SPTAN1: variants seen among roughly 807,000 people sequenced by gnomAD.
The protein encoded by SPTAN1 is spectrin alpha, non-erythrocytic 1, also known as spectrin alpha chain, non-erythrocytic 1.
SPTAN1 carries 61 observed loss-of-function variants against 331.3 expected under a neutral mutation model. The observed-to-expected ratio is 0.18, with a 90% confidence interval of 0.15 to 0.23. The LOEUF (loss-of-function observed/expected upper bound fraction) is 0.23, where lower values mean the gene tolerates loss of function less well. SPTAN1 is among the 10% of genes least tolerant of loss of function. SPTAN1 has a pLI of 1.00. For missense variants in SPTAN1, 2,043 were observed against 3,147.9 expected (o/e 0.65, Z 8.40); for synonymous variants, 1,153 against 1,173.9 (o/e 0.98, Z 0.36).
At chr9:128,589,701 G>A (rs1381945401) in intron 21 of SPTAN1, among the ~76,000 whole-genome samples, 1 of 150,384 alleles carries the variant, frequency 6.6e-6, no homozygotes. Flanking sequence ...TCAGCCTCCC[G>A]AGCAGCTGGG....
At chr9:128,622,737 G>GTTTATTTA (rs111521146) in intron 45 of SPTAN1, among the ~76,000 whole-genome samples, 3,369 of 151,390 alleles carry the variant, frequency 0.022, 136 homozygotes, top group African/African-American at 0.077. Context: ...TTGTAGTATG[G>GTTTATTTA]TTTATTTATT....
At chr9:128,594,039 G>C (rs1589254317) in intron 23 of SPTAN1, 136 bp from the exon 24 acceptor site, 2 of 812,596 alleles carry the variant, frequency 2.5e-6, no homozygotes, top group South Asian at 1.4e-5. Flanking sequence ...TGATAACTCT[G>C]TTACTAGGGC....
intron 25 of SPTAN1, 45 bp from the exon 26 acceptor site, chr9:128,598,918 T>C (rs1564260109): frequency 6.4e-7 from 1 of 1,563,970 alleles, no homozygotes; most frequent in East Asian, 2.2e-5. Flanking sequence ...TTGAGAGATG[T>C]GTATTTCTTC....
At chr9:128,574,639 T>C (rs201763197) in intron 3 of SPTAN1, 36 bp from the exon 4 acceptor site, 3 of 1,613,870 alleles carry the variant, frequency 1.9e-6, no homozygotes, top group Non-Finnish European at 2.5e-6. Context: ...CAGAGCCAGT[T>C]GTGATCTGAT....
In SPTAN1 at chr9:128,605,184, A is replaced by G. The variant is rs1357525578; in HGVS notation, c.3864+6A>G. 1.2e-6 allele frequency: 2 copies of G among 1,613,892 alleles called. No homozygotes were observed. Among genetic ancestry groups the G allele is most frequent in the Admixed American group, 3.3e-5 (2 of 59,966 alleles). On this transcript the variant is annotated splice_donor_region_variant and intron_variant, in intron 30 of 56. Coordinates refer to ENST00000372739, the MANE Select transcript of SPTAN1 (RefSeq NM_001130438.3). Reference sequence around the variant, plus strand: ...TTGCGGCTCTCGGTGACAAGGTGAGAGGACCCAAAGTCATCTTCTGTCTGG... The same window carrying G: ...TTGCGGCTCTCGGTGACAAGGTGAGGGGACCCAAAGTCATCTTCTGTCTGG...
chr9:128,586,042 T>C (rs774683959), intron 19 of SPTAN1, 77 bp downstream of exon 19: 57 of 1,288,988 alleles, frequency 4.4e-5, no homozygotes, highest in Non-Finnish European at 5.5e-5. Context: ...TTAGGAGAAG[T>C]AGTGATGCGC....
chr9:128,628,786 G>A, intron 51 of SPTAN1: 1 of 228,444 alleles, frequency 4.4e-6, no homozygotes, highest in Non-Finnish European at 8.5e-6. Flanking sequence ...GAGCAGCTGG[G>A]GACGTAGGGA....
chr9:128,610,665 T>G (rs1482645505), intron 37 of SPTAN1, among the ~76,000 whole-genome samples: 7 of 152,172 alleles, frequency 4.6e-5, no homozygotes, highest in Non-Finnish European at 7.4e-5. Flanking sequence ...CTTGCAATTG[T>G]CTCTTGTAGC....
chr9:128,555,372 G>T, intron 1 of SPTAN1: 1 of 1,289,420 alleles, frequency 7.8e-7, no homozygotes, highest in South Asian at 1.2e-5. Context: ...CCATCATGTT[G>T]TCATCGTTTC....
At chr9:128,607,267 G>A (rs990945644) in intron 31 of SPTAN1, among the ~76,000 whole-genome samples, 4 of 151,866 alleles carry the variant, frequency 2.6e-5, no homozygotes, top group African/African-American at 9.7e-5. Flanking sequence ...GCCTCCCAAA[G>A]TGCTGGGATT....
chr9:128,583,173 G>A lies in SPTAN1; in HGVS notation c.1903G>A (p.Gly635Ser). The A allele has an allele frequency of 1.2e-6, 2 of 1,614,092 alleles. No homozygotes were observed. Among genetic ancestry groups the A allele is most frequent in the Non-Finnish European group, 8.5e-7 (1 of 1,180,040 alleles). Residue 635 changes from glycine to serine, a missense_variant, in exon 15 of 57, where the codon GGC becomes AGC. Around this residue, in one of 12 missense-constraint regions of SPTAN1, gnomAD observed 1,038 missense variants for 1,531.5 expected, o/e 0.68. Coordinates refer to ENST00000372739, the MANE Select transcript of SPTAN1 (RefSeq NM_001130438.3). ...QSRIDALEKA[G>S]QKLIDVNHYA... ...CCGAATTGATGCCTTGGAGAAAGCT[G>A]GCCAAAAGCTGATTGATGTCAACCA...
At chr9:128,565,942 A>T (rs1036594498) in intron 1 of SPTAN1, among the ~76,000 whole-genome samples, 5 of 152,196 alleles carry the variant, frequency 3.3e-5, no homozygotes, top group African/African-American at 1.2e-4. Flanking sequence ...AAATTGAGGC[A>T]TGGAGAGGGA....
chr9:128,566,525 C>T (rs1429109128), intron 1 of SPTAN1, among the ~76,000 whole-genome samples: 1 of 152,090 alleles, frequency 6.6e-6, no homozygotes, highest in Non-Finnish European at 1.5e-5. Context: ...CTTCTGAGGG[C>T]CCTATGTAGG....
intron 3 of SPTAN1, among the ~76,000 whole-genome samples, chr9:128,573,115 GT>G (rs1202168979): frequency 6.6e-6 from 1 of 152,134 alleles, no homozygotes; most frequent in Non-Finnish European, 1.5e-5. Context: ...CGCTTTGTTT[GT>G]TTTACTTATG....
intron 18 of SPTAN1, 44 bp downstream of exon 18, chr9:128,584,887 T>C: frequency 1.2e-6 from 2 of 1,613,846 alleles, no homozygotes; most frequent in South Asian, 1.1e-5. Context: ...CTGCTCCTCG[T>C]GTCTCCCCTT....
rs981658932 is a variant in SPTAN1, at chr9:128,613,395, G to A, written c.5058G>A (p.Leu1686=). 10 of 1,614,076 alleles carry A rather than the reference G, an allele frequency of 6.2e-6. No individual in the cohort carries two copies. Among genetic ancestry groups the A allele is most frequent in the Non-Finnish European group, 8.5e-6 (10 of 1,180,024 alleles). The change falls in exon 40 of 57, where the codon CTG becomes CTA. Residue 1686 remains leucine, a synonymous_variant. Coordinates refer to ENST00000372739, the MANE Select transcript of SPTAN1 (RefSeq NM_001130438.3). ...DFWLSEVEAL[L]ASEDYGKDLA... is the part of the protein sequence containing the mutation. ...TTCATTGCCAGGTGGAGGCCCTGCT[G>A]GCATCCGAAGATTATGGCAAAGACC...
rs775545003 is a variant in SPTAN1 at position 128,585,775 on chromosome 9, C to G, written c.2588C>G (p.Ala863Gly). The change falls in exon 19 of 57, where the codon GCC becomes GGC. Residue 863 changes from alanine to glycine, a missense_variant. Physicochemically the swap from Ala to Gly is moderately conservative, Grantham distance 60 (BLOSUM62 0). Around this residue, in one of 12 missense-constraint regions of SPTAN1, gnomAD observed 1,038 missense variants for 1,531.5 expected, o/e 0.68. Coordinates refer to ENST00000372739, the MANE Select transcript of SPTAN1 (RefSeq NM_001130438.3). ...EGHFAAEDVKAKLHELNQKWE... is the reference protein window; with the variant it reads ...EGHFAAEDVKGKLHELNQKWE... ...CATTTTGCTGCAGAGGATGTGAAGG[C>G]CAAGCTTCACGAGCTGAACCAAAAG... 9.9e-6 allele frequency: 16 copies of G among 1,614,162 alleles called. No individual in the cohort carries two copies. The highest frequency in any genetic ancestry group is 1.4e-5 in the Non-Finnish European group (16 of 1,180,030).
At chr9:128,632,764 CCA>C in intron 55 of SPTAN1, 42 bp from the exon 56 acceptor site, 1 of 1,614,028 alleles carries the variant, frequency 6.2e-7, no homozygotes, top group Non-Finnish European at 8.5e-7. Context: ...CCCGGGGCAC[CCA>C]CCTGCCCTCC....
At chr9:128,605,709 C>T (rs777193357) in intron 31 of SPTAN1, among the ~76,000 whole-genome samples, 24 of 151,980 alleles carry the variant, frequency 1.6e-4, no homozygotes, top group Non-Finnish European at 3.1e-4. Flanking sequence ...AAATCAAAAA[C>T]GGCCAGGCAC....
Sources: allele counts gnomAD v4.1 joint callset (sites outside exome capture counted in the v4.1 genomes callset), GRCh38; gene constraint gnomAD v4.1.1; regional missense constraint gnomAD v4.1.1; transcripts MANE v1.5; gene names NCBI Gene and HGNC (gene_info 2026-07-23, HGNC 2026-07-21).